The following INPP5A variants were observed in gnomAD, a reference collection of about 807,000 sequenced individuals.
The protein encoded by INPP5A is inositol polyphosphate-5-phosphatase A.
INPP5A carries 14 observed loss-of-function variants against 65.2 expected under a neutral mutation model. The ratio of observed to expected loss-of-function variants is 0.21; its 90% confidence interval spans 0.14 to 0.34. The LOEUF (loss-of-function observed/expected upper bound fraction) is 0.34, where lower values mean the gene tolerates loss of function less well. Ranked by LOEUF, INPP5A falls within the 10% of genes least tolerant of loss-of-function variation. INPP5A has a pLI of 1.00. For synonymous variants in INPP5A, 207 were observed against 208.3 expected (o/e 0.99, Z 0.05); for missense variants, 431 against 545.6 (o/e 0.79, Z 2.09).
At position 132,545,927 on chromosome 10, in the gene INPP5A, A is replaced by G. The variant is rs1256393027; in HGVS notation, c.75+7756A>G. ...TCGGCCTGAGGTGATGAGAGTGTGG[A>G]TGGCACCTGCACTGTGTCCACTCTT... On this transcript the variant is annotated intron_variant, in intron 1 of 15. Transcript: ENST00000368594. This position sits in a 1 kb window ranked among gnomAD's most constrained non-coding sequence, Gnocchi z 4.6. Among the ~76,000 whole-genome samples, 1 of 152,180 alleles carries G rather than the reference A, an allele frequency of 6.6e-6. No individual in the cohort carries two copies. The highest frequency in any genetic ancestry group is 1.5e-5 in the Non-Finnish European group (1 of 68,042).
At chr10:132,653,498 T>C (rs1238636298) in intron 4 of INPP5A, among the ~76,000 whole-genome samples, 1 of 152,118 alleles carries the variant, frequency 6.6e-6, no homozygotes, top group African/African-American at 2.4e-5. Flanking sequence ...CTCCCTTCTT[T>C]CCAGGGTTCC....
chr10:132,751,762 A>G (rs1357982680), intron 11 of INPP5A, among the ~76,000 whole-genome samples: 151 of 48,792 alleles, frequency 3.1e-3, no homozygotes, highest in Middle Eastern at 0.015. Flanking sequence ...CGTGGAGGCG[A>G]GTGCCCAGGA....
intron 6 of INPP5A, among the ~76,000 whole-genome samples, chr10:132,703,880 T>C (rs1845486232): frequency 3.2e-5 from 1 of 31,290 alleles, no homozygotes; most frequent in Admixed American, 5.0e-4. Flanking sequence ...CACGCACGGC[T>C]TCACCCCCCA....
At chr10:132,542,888 G>A (rs2070924462) in intron 1 of INPP5A, among the ~76,000 whole-genome samples, 1 of 152,152 alleles carries the variant, frequency 6.6e-6, no homozygotes, top group South Asian at 2.1e-4. Context: ...GAACTCCTGG[G>A]CTGAAGTGAG....
intron 11 of INPP5A, among the ~76,000 whole-genome samples, chr10:132,756,243 A>G (rs117925931): frequency 0.024 from 3,727 of 152,176 alleles, 78 homozygotes; most frequent in Non-Finnish European, 0.044. Flanking sequence ...GTATGCGTGT[A>G]CATGTGTGCA....
intron 7 of INPP5A, among the ~76,000 whole-genome samples, chr10:132,709,585 G>T (rs911712432): frequency 2.0e-5 from 3 of 152,228 alleles, no homozygotes; most frequent in African/African-American, 7.2e-5. Flanking sequence ...GCGTCATCGG[G>T]GTCATTGTGG....
intron 2 of INPP5A, among the ~76,000 whole-genome samples, chr10:132,610,009 C>T (rs938519770): frequency 2.0e-5 from 3 of 152,226 alleles, no homozygotes; most frequent in African/African-American, 7.2e-5. Context: ...ATCAAGCCAG[C>T]GGCAGCCCCG....
intron 5 of INPP5A, among the ~76,000 whole-genome samples, chr10:132,696,870 CTG>C: frequency 6.6e-6 from 1 of 152,218 alleles, no homozygotes; most frequent in Non-Finnish European, 1.5e-5. Context: ...CCACAGCACT[CTG>C]TTTTTTCCTG....
In INPP5A at chr10:132,610,536, G is replaced by A. The variant is rs2071930208; in HGVS notation, c.117+2580G>A. On this transcript the variant is annotated intron_variant, in intron 2 of 15. Transcript: ENST00000368594. ...CAGAGAGCTGCAAAAAACCCAGAGGGCCTGCCAGTGGACGTTGGCGTGTGG... is the reference window on the plus strand; with the variant it reads ...CAGAGAGCTGCAAAAAACCCAGAGGACCTGCCAGTGGACGTTGGCGTGTGG... 2.0e-5 allele frequency among the ~76,000 whole-genome samples: 3 copies of A among 152,258 alleles called. No individual in the cohort carries two copies. The South Asian group carries it at 6.2e-4, about 31-fold the overall frequency.
intron 1 of INPP5A, among the ~76,000 whole-genome samples, chr10:132,598,028 ACTGT>A (rs2071729807): frequency 6.6e-6 from 1 of 152,144 alleles, no homozygotes; most frequent in Non-Finnish European, 1.5e-5. Context: ...TCTCAGATTT[ACTGT>A]CTGTTTTAAT....
chr10:132,601,523 T>C (rs1287991813), intron 1 of INPP5A, among the ~76,000 whole-genome samples: 2 of 152,250 alleles, frequency 1.3e-5, no homozygotes, highest in Non-Finnish European at 2.9e-5. Context: ...TGTCTGTTTT[T>C]CCTTTTGTTG....
intron 1 of INPP5A, among the ~76,000 whole-genome samples, chr10:132,599,059 A>G (rs2492773): frequency 0.25 from 37,451 of 152,108 alleles, 5,460 homozygotes; most frequent in East Asian, 0.5. Context: ...CAGCCAAACC[A>G]TATCATTCCA....
chr10:132,648,696 G>T (rs1034821465), intron 3 of INPP5A, among the ~76,000 whole-genome samples: 1 of 151,840 alleles, frequency 6.6e-6, no homozygotes, highest in African/African-American at 2.4e-5. Context: ...TAATGATATC[G>T]CCCCATTGTC....
intron 3 of INPP5A, among the ~76,000 whole-genome samples, chr10:132,647,115 C>CT (rs754272955): frequency 0.012 from 1,706 of 142,644 alleles, 31 homozygotes; most frequent in African/African-American, 0.036. Flanking sequence ...TTTTTTTTTT[C>CT]TTTTTTTTTT....
chr10:132,684,502 G>A (rs1459613990), intron 4 of INPP5A, among the ~76,000 whole-genome samples: 1 of 152,232 alleles, frequency 6.6e-6, no homozygotes, highest in African/African-American at 2.4e-5. Context: ...GTGTGCAGGA[G>A]TTTCTCTTGG....
At chr10:132,724,842 C>T (rs1406202558) in intron 8 of INPP5A, among the ~76,000 whole-genome samples, 5 of 151,214 alleles carry the variant, frequency 3.3e-5, no homozygotes, top group Non-Finnish European at 7.4e-5. Flanking sequence ...CCATATTCAC[C>T]ACAGACAGGG....
chr10:132,639,490 C>G (rs2072400073), intron 2 of INPP5A, among the ~76,000 whole-genome samples: 1 of 152,106 alleles, frequency 6.6e-6, no homozygotes. Flanking sequence ...TGTTTTTCCT[C>G]AATTTGATTA....
chr10:132,593,667 G>T (rs1226001702), intron 1 of INPP5A, among the ~76,000 whole-genome samples: 1 of 152,156 alleles, frequency 6.6e-6, no homozygotes, highest in African/African-American at 2.4e-5. Context: ...TCTAATTCTT[G>T]TCCTTGTTCC....
At position 132,547,473 on chromosome 10, in the gene INPP5A, C is replaced by T. The variant is rs1349677516; in HGVS notation, c.75+9302C>T. On this transcript the variant is annotated intron_variant, in intron 1 of 15. Transcript: ENST00000368594. This position sits in a 1 kb window ranked among gnomAD's most constrained non-coding sequence, Gnocchi z 5.5. ...TAGGTGGTGTGAGGTTCTGTGAGCC[C>T]GGGCCCAGCTGCCGTGGTGAATATA... 3.9e-5 allele frequency among the ~76,000 whole-genome samples: 6 copies of T among 152,124 alleles called. No homozygotes were observed. Among genetic ancestry groups the T allele is most frequent in the African/African-American group, 7.2e-5 (3 of 41,426 alleles).
Sources: gnomAD v4.1 joint callset for allele counts (sites outside exome capture counted in the v4.1 genomes callset) on GRCh38, gnomAD v4.1.1 for gene constraint, Gnocchi (gnomAD v3.1) non-coding constraint, MANE v1.5 for transcripts, NCBI Gene and HGNC (gene_info 2026-07-23, HGNC 2026-07-21) for gene names.